AFG2A: variants seen among roughly 807,000 people sequenced by gnomAD.
The protein encoded by AFG2A is ATPase family gene 2 protein homolog A.
the AFG2A span, among the ~76,000 whole-genome samples, chr4:123,243,769 G>A: frequency 6.6e-6 from 1 of 151,548 alleles, no homozygotes; most frequent in East Asian, 1.9e-4. Flanking sequence ...AGGTGTGGTG[G>A]TTCACACCTG....
the AFG2A span, among the ~76,000 whole-genome samples, chr4:123,124,309 T>C: frequency 6.6e-6 from 1 of 152,106 alleles, no homozygotes; most frequent in Admixed American, 6.5e-5. Context: ...TATGCAGCCA[T>C]AAAAAATGAT....
the AFG2A span, among the ~76,000 whole-genome samples, chr4:123,277,859 A>C: frequency 6.6e-6 from 1 of 152,056 alleles, no homozygotes; most frequent in African/African-American, 2.4e-5. Flanking sequence ...TTCTTGTGCT[A>C]CTGGATTCGG....
the AFG2A span, among the ~76,000 whole-genome samples, chr4:122,945,373 T>A: frequency 6.6e-6 from 1 of 152,202 alleles, no homozygotes; most frequent in Non-Finnish European, 1.5e-5. Context: ...CCAGCCTCAC[T>A]GCCGCCTTGC....
At chr4:123,292,511 TG>T in the AFG2A span, among the ~76,000 whole-genome samples, 2 of 152,236 alleles carry the variant, frequency 1.3e-5, no homozygotes, top group South Asian at 4.1e-4. Flanking sequence ...TTACTATTTT[TG>T]AATTTATTTT....
chr4:123,313,311 T>C, the AFG2A span, among the ~76,000 whole-genome samples: 1 of 152,162 alleles, frequency 6.6e-6, no homozygotes, highest in Non-Finnish European at 1.5e-5. Context: ...CCAAAGTAAA[T>C]GTTGACAACC....
chr4:123,096,093 T>G, the AFG2A span, among the ~76,000 whole-genome samples: 1 of 152,118 alleles, frequency 6.6e-6, no homozygotes, highest in Non-Finnish European at 1.5e-5. Context: ...TATGTCACAT[T>G]TACATGTCAG....
At chr4:123,102,309 A>AG in the AFG2A span, 6 of 151,338 alleles carry the variant, frequency 4.0e-5, no homozygotes, top group South Asian at 8.3e-4. Context: ...AAAAAAAAAA[A>AG]AAAGAAAAAG....
At chr4:123,265,543 A>G in the AFG2A span, among the ~76,000 whole-genome samples, 12 of 152,106 alleles carry the variant, frequency 7.9e-5, no homozygotes, top group African/African-American at 2.9e-4. Flanking sequence ...AGCTAATCAT[A>G]CTCCAGAACA....
chr4:123,084,654 G>A, the AFG2A span, among the ~76,000 whole-genome samples: 1 of 150,954 alleles, frequency 6.6e-6, no homozygotes, highest in Non-Finnish European at 1.5e-5. Context: ...ACAGAGACAG[G>A]GTCTTGCTCT....
chr4:123,080,837 A>G, the AFG2A span, among the ~76,000 whole-genome samples: 3 of 152,132 alleles, frequency 2.0e-5, no homozygotes, highest in Admixed American at 6.5e-5. Flanking sequence ...CTCTTTTGCC[A>G]TGATTTTAAT....
the AFG2A span, among the ~76,000 whole-genome samples, chr4:123,275,653 C>T: frequency 6.6e-6 from 1 of 152,072 alleles, no homozygotes; most frequent in Non-Finnish European, 1.5e-5. Context: ...CCTCCAACCC[C>T]CTAGCCTCAA....
the AFG2A span, among the ~76,000 whole-genome samples, chr4:123,095,043 A>AAAAAAAATT: frequency 9.3e-6 from 1 of 107,816 alleles, no homozygotes; most frequent in African/African-American, 3.5e-5. Flanking sequence ...AAAAAAAAAA[A>AAAAAAAATT]TATATATATA....
the AFG2A span, among the ~76,000 whole-genome samples, chr4:122,924,647 C>G: frequency 2.0e-5 from 3 of 152,080 alleles, no homozygotes; most frequent in Admixed American, 2.0e-4. Context: ...TAAATCCTGT[C>G]TCCTTGGCAA....
At chr4:123,041,277 A>ATTTT in the AFG2A span, among the ~76,000 whole-genome samples, 11,056 of 118,050 alleles carry the variant, frequency 0.094, 823 homozygotes, top group African/African-American at 0.17. Context: ...CGCCCAGCTA[A>ATTTT]TTTTTTTTTT....
At chr4:122,956,178 A>G in the AFG2A span, among the ~76,000 whole-genome samples, 552 of 152,338 alleles carry the variant, frequency 3.6e-3, 5 homozygotes, top group African/African-American at 0.013. Context: ...ACTACTCATA[A>G]AAATGTAAAA....
At chr4:123,275,549 A>G in the AFG2A span, among the ~76,000 whole-genome samples, 8 of 152,078 alleles carry the variant, frequency 5.3e-5, no homozygotes, top group African/African-American at 1.9e-4. Flanking sequence ...TTACATAGGT[A>G]AACTGCATGT....
At chr4:123,257,223 G>T in the AFG2A span, among the ~76,000 whole-genome samples, 1 of 151,926 alleles carries the variant, frequency 6.6e-6, no homozygotes, top group African/African-American at 2.4e-5. Flanking sequence ...TCATTGTTTT[G>T]CCCCAAGAAC....
chr4:123,199,564 C>T, the AFG2A span, among the ~76,000 whole-genome samples: 2 of 149,692 alleles, frequency 1.3e-5, no homozygotes, highest in Non-Finnish European at 3.0e-5. Flanking sequence ...CTCTGTCTCC[C>T]GGGTTCAAGC....
the AFG2A span, among the ~76,000 whole-genome samples, chr4:123,083,097 G>A: frequency 6.6e-6 from 1 of 152,080 alleles, no homozygotes; most frequent in Non-Finnish European, 1.5e-5. Flanking sequence ...CACATCATCT[G>A]CAAAGACACT....
Sources: allele counts gnomAD v4.1 joint callset (sites outside exome capture counted in the v4.1 genomes callset), GRCh38; gene constraint gnomAD v4.1.1; transcripts MANE v1.5; gene names NCBI Gene and HGNC (gene_info 2026-07-23, HGNC 2026-07-21).